CLDND1: variants seen among roughly 807,000 people sequenced by gnomAD.
The protein encoded by CLDND1 is claudin domain-containing protein 1.
Under a neutral mutation model 26.3 loss-of-function variants are expected in CLDND1, and 13 were observed. The ratio of observed to expected loss-of-function variants is 0.49; its 90% CI spans 0.32 to 0.78. CLDND1 has a LOEUF of 0.78. Among genes scored for constraint, CLDND1 ranks in the 30% least tolerant of loss-of-function variants. CLDND1 has a pLI of 0.03. For missense variants in CLDND1, 289 were observed against 312.8 expected (o/e 0.92, Z 0.57); for synonymous variants, 107 against 107.0 (o/e 1.00, Z 0.00).
At chr3:98,516,927 C>T (rs1348744990) in intron 4 of CLDND1, 48 bp from the exon 5 acceptor site, 2 of 1,611,494 alleles carry the variant, frequency 1.2e-6, no homozygotes, top group Admixed American at 1.7e-5. Flanking sequence ...TGGATAAAAG[C>T]ACAGTAAAGA....
chr3:98,521,473 T>TA (rs142862428), intron 1 of CLDND1, 31 bp from the exon 2 acceptor site: 198,867 of 1,591,202 alleles, frequency 0.12, 14,841 homozygotes, highest in East Asian at 0.27. Flanking sequence ...GAAGATAAGT[T>TA]AGAGTTTACG....
At chr3:98,522,716 GC>G (rs1706480411) in intron 1 of CLDND1, 132 bp downstream of exon 1, 3 of 1,552,552 alleles carry the variant, frequency 1.9e-6, no homozygotes, top group Non-Finnish European at 2.6e-6. Context: ...AGAGGGCTCG[GC>G]CCTGGGACAA....
intron 3 of CLDND1, chr3:98,518,622 C>T (rs981590020): frequency 2.6e-6 from 1 of 388,114 alleles, no homozygotes; most frequent in African/African-American, 2.1e-5. Context: ...TAAATGGGCC[C>T]ATTAATAACA....
chr3:98,522,801 G>A (rs545725239), intron 1 of CLDND1, 48 bp downstream of exon 1: 3 of 1,613,482 alleles, frequency 1.9e-6, no homozygotes, highest in African/African-American at 2.7e-5. Flanking sequence ...CGGGAACATG[G>A]AACCGCGACG....
At chr3:98,517,373 A>G (rs948543150) in intron 3 of CLDND1, 184 bp from the exon 4 acceptor site, 6 of 651,198 alleles carry the variant, frequency 9.2e-6, no homozygotes, top group Non-Finnish European at 1.3e-5. Flanking sequence ...GATAAAAGTA[A>G]AAGGACACTA....
At position 98,515,536 on chromosome 3, in the gene CLDND1, G is replaced by C; in HGVS notation, c.*1123C>G. 1.2e-6 allele frequency: 1 copy of C among 859,534 alleles called. No individual in the cohort carries two copies. The highest frequency in any genetic ancestry group is 3.3e-5 in the South Asian group (1 of 30,508). The allele number at this position is 859,534 out of a possible 1,614,324, so 53.2% of individuals were successfully genotyped here. On this transcript the variant is annotated 3_prime_UTR_variant, in exon 5 of 5. Transcript: ENST00000341181. The stretch of plus-strand genomic sequence containing the variant: ...AAAAAAGACATTGAGGTTATGGTAA[G>C]AAATTATGAAGTTACATTTTTTTAA...
At position 98,518,891 on chromosome 3, in the gene CLDND1, TAAG is replaced by T; in HGVS notation, c.394_396del (p.Leu132del). On this transcript the variant is annotated inframe_deletion, in exon 3 of 5. Coordinates refer to ENST00000341181, the MANE Select transcript of CLDND1 (RefSeq NM_001040181.2). ...GTGAAATCAAAGTACTCACAGGTCC[TAAG>T]GAGATCAATCCCGCTATTGTGGTTT... 6.3e-7 allele frequency: 1 copy of T among 1,592,920 alleles called. No homozygotes were observed. Among genetic ancestry groups the T allele is most frequent in the Non-Finnish European group, 8.6e-7 (1 of 1,160,674 alleles).
intron 3 of CLDND1, among the ~76,000 whole-genome samples, chr3:98,518,215 A>T (rs966062096): frequency 1.3e-5 from 2 of 151,914 alleles, no homozygotes; most frequent in Non-Finnish European, 2.9e-5. Flanking sequence ...TTTCTTTCAA[A>T]CTCTCCTAGT....
chr3:98,517,365 T>C, intron 3 of CLDND1, 176 bp from the exon 4 acceptor site: 1 of 689,756 alleles, frequency 1.4e-6, no homozygotes, highest in Non-Finnish European at 2.4e-6. Flanking sequence ...CTTGTCCTGA[T>C]AAAAGTAAAA....
chr3:98,518,718 T>TA (rs2107147469), intron 3 of CLDND1, 167 bp downstream of exon 3: 1 of 576,680 alleles, frequency 1.7e-6, no homozygotes, highest in East Asian at 2.9e-5. Flanking sequence ...AGCATGTATC[T>TA]ACCTTCTAAA....
At position 98,522,860 on chromosome 3, in the gene CLDND1, C is replaced by T; in HGVS notation, c.-30G>A. On this transcript the variant is annotated 5_prime_UTR_variant, in exon 1 of 5. Coordinates refer to ENST00000341181, the MANE Select transcript of CLDND1 (RefSeq NM_001040181.2). ...TCCCGCTCACTCACCGCCCATCCTCCTGCTCCGCCAGCTTCACCCTCTAGC... is the reference window on the plus strand; with the variant it reads ...TCCCGCTCACTCACCGCCCATCCTCTTGCTCCGCCAGCTTCACCCTCTAGC... 2 of 1,613,816 alleles carry T rather than the reference C, an allele frequency of 1.2e-6. No homozygotes were observed. The highest frequency in any genetic ancestry group is 1.7e-6 in the Non-Finnish European group (2 of 1,179,748).
chr3:98,519,920 T>C (rs946181659), intron 2 of CLDND1, among the ~76,000 whole-genome samples: 1 of 152,254 alleles, frequency 6.6e-6, no homozygotes, highest in East Asian at 1.9e-4. Flanking sequence ...TGAGACCTAC[T>C]TTAAGTATCC....
In CLDND1 at chr3:98,516,588, AG is replaced by A; in HGVS notation, c.*70del. 1 of 1,500,662 alleles carries A rather than the reference AG, an allele frequency of 6.7e-7. No homozygotes were observed. The highest frequency in any genetic ancestry group is 8.9e-7 in the Non-Finnish European group (1 of 1,124,208). 93.0% of individuals were successfully genotyped at this position (1,500,662 alleles called of 1,614,324 possible). Reference sequence around the variant, plus strand: ...CACAAATAAAAATTAAAAACAATTGAGAGGTGGGGAAAATATCAGTATTATT... The same window carrying A: ...CACAAATAAAAATTAAAAACAATTGAAGGTGGGGAAAATATCAGTATTATT... On this transcript the variant is annotated 3_prime_UTR_variant, in exon 5 of 5. Coordinates refer to ENST00000341181, the MANE Select transcript of CLDND1 (RefSeq NM_001040181.2).
At chr3:98,520,887 GA>G (rs537746529) in intron 2 of CLDND1, 898 of 376,092 alleles carry the variant, frequency 2.4e-3, no homozygotes, top group East Asian at 3.2e-3. Context: ...GAGTAAATAA[GA>G]AAAAAAAAAG....
Position 98,515,874 on chromosome 3 carries a change from C to G in CLDND1, c.*785G>C. 2 of 1,287,068 alleles carry G rather than the reference C, an allele frequency of 1.6e-6. No individual in the cohort carries two copies. Among genetic ancestry groups the G allele is most frequent in the Non-Finnish European group, 2.0e-6 (2 of 987,284 alleles). The allele number at this position is 1,287,068 out of a possible 1,614,324, so 79.7% of individuals were successfully genotyped here. A position where few individuals can be genotyped will look rare whatever the true frequency, so the allele number is the denominator to read the frequency against. ...GCAGTTGAGGAATTTTACCTTGTAA[C>G]TGTAATATAATGTAAAAAGAAAGCA... On this transcript the variant is annotated 3_prime_UTR_variant, in exon 5 of 5. Coordinates refer to ENST00000341181, the MANE Select transcript of CLDND1 (RefSeq NM_001040181.2).
intron 3 of CLDND1, 160 bp from the exon 4 acceptor site, chr3:98,517,349 G>A: frequency 1.3e-6 from 1 of 791,124 alleles, no homozygotes; most frequent in South Asian, 1.9e-5. Context: ...TCAAAAGGAT[G>A]CTACTCTTGT....
chr3:98,519,488 G>A (rs1706307425), intron 2 of CLDND1, among the ~76,000 whole-genome samples: 1 of 152,116 alleles, frequency 6.6e-6, no homozygotes, highest in African/African-American at 2.4e-5. Flanking sequence ...CTACCATTCT[G>A]GTGTGAGTCA....
At chr3:98,516,970 C>T (rs911686623) in intron 4 of CLDND1, 82 bp downstream of exon 4, 34 of 1,606,942 alleles carry the variant, frequency 2.1e-5, no homozygotes, top group South Asian at 6.7e-5. Context: ...GCAGTTAATA[C>T]GTGAACATTT....
intron 2 of CLDND1, chr3:98,520,722 TA>T (rs1706372909): frequency 5.9e-6 from 1 of 168,238 alleles, no homozygotes; most frequent in African/African-American, 2.4e-5. Context: ...ATATGTATTA[TA>T]ATACAGCTAA....
Sources: gnomAD v4.1 joint callset for allele counts (sites outside exome capture counted in the v4.1 genomes callset) on GRCh38, gnomAD v4.1.1 for gene constraint, MANE v1.5 for transcripts, NCBI Gene and HGNC (gene_info 2026-07-23, HGNC 2026-07-21) for gene names.